The following KIF21A variants were observed in gnomAD, a reference collection of about 807,000 sequenced individuals.
KIF21A encodes kinesin-like protein KIF21A.
A neutral mutation model predicts 202.9 loss-of-function variants in KIF21A; 114 were observed. That is an observed-to-expected ratio of 0.56 (90% CI 0.48 to 0.66). The LOEUF (loss-of-function observed/expected upper bound fraction) is 0.66. Among genes scored for constraint, KIF21A ranks in the 30% least tolerant of loss-of-function variants. The pLI is 0.00. For synonymous variants in KIF21A, 667 were observed against 670.8 expected (o/e 0.99, Z 0.09); for missense variants, 1,677 against 1,994.9 (o/e 0.84, Z 3.04).
intron 1 of KIF21A, among the ~76,000 whole-genome samples, chr12:39,406,855 T>C (rs1483888397): frequency 2.6e-5 from 4 of 152,182 alleles, no homozygotes; most frequent in Non-Finnish European, 5.9e-5. Context: ...CTCTCCAAAA[T>C]AACTAATTCA....
At chr12:39,341,709 T>C in intron 13 of KIF21A, 87 bp from the exon 14 acceptor site, 2 of 1,378,844 alleles carry the variant, frequency 1.5e-6, no homozygotes, top group Non-Finnish European at 9.9e-7. Flanking sequence ...GAGTACAAAG[T>C]ACGGAAACAT....
In KIF21A at chr12:39,307,667, A is replaced by G. The variant is rs1565665239; in HGVS notation, c.4340T>C (p.Ile1447Thr). 1 of 1,614,062 alleles carries G rather than the reference A, an allele frequency of 6.2e-7. No individual in the cohort carries two copies. Among genetic ancestry groups the G allele is most frequent in the Non-Finnish European group, 8.5e-7 (1 of 1,179,920 alleles). Residue 1447 changes from isoleucine to threonine, a missense_variant, in exon 34 of 38, where the codon ATT becomes ACT. Physicochemically the swap from Ile to Thr is moderately conservative, Grantham distance 89 (BLOSUM62 -1). Coordinates refer to ENST00000361418, the MANE Select transcript of KIF21A (RefSeq NM_001173464.2). ...CSASTSRTVAIPSGENQINQI... is the reference protein window; with the variant it reads ...CSASTSRTVATPSGENQINQI... ...ATTGATCTGGTTCTCTCCAGAAGGA[A>G]TAGCTACTGTTCGACTGGTACTTGC...
chr12:39,355,573 G>T (rs1332651679), intron 10 of KIF21A, among the ~76,000 whole-genome samples: 2 of 151,682 alleles, frequency 1.3e-5, no homozygotes, highest in African/African-American at 4.8e-5. Flanking sequence ...ACTGGTCAAA[G>T]AACAAATTTT....
At chr12:39,436,437 TATATATATATA>T (rs1938728079) in intron 1 of KIF21A, among the ~76,000 whole-genome samples, 1 of 120,082 alleles carries the variant, frequency 8.3e-6, no homozygotes, top group African/African-American at 3.8e-5. Context: ...TATATATATA[TATATATATATA>T]TTTTTTTTTT....
chr12:39,379,160 T>C (rs1376619631), intron 1 of KIF21A, among the ~76,000 whole-genome samples: 1 of 151,886 alleles, frequency 6.6e-6, no homozygotes, highest in Non-Finnish European at 1.5e-5. Context: ...TGAAACCCCA[T>C]CTCTACTAAA....
intron 1 of KIF21A, among the ~76,000 whole-genome samples, chr12:39,423,439 G>A (rs1954472887): frequency 1.3e-5 from 2 of 151,688 alleles, no homozygotes; most frequent in South Asian, 4.2e-4. Context: ...TCTTCTCCTC[G>A]CCACTGATAG....
chr12:39,406,394 G>T (rs891186714), intron 1 of KIF21A, among the ~76,000 whole-genome samples: 3 of 152,052 alleles, frequency 2.0e-5, no homozygotes, highest in African/African-American at 7.2e-5. Context: ...AAATTCAAAG[G>T]CTCCAAATAA....
intron 1 of KIF21A, among the ~76,000 whole-genome samples, chr12:39,400,482 C>T (rs953848502): frequency 2.6e-5 from 4 of 152,214 alleles, no homozygotes; most frequent in Admixed American, 6.5e-5. Flanking sequence ...TGTTCCCCTC[C>T]ATGTATCCAT....
chr12:39,374,141 C>A (rs1950126623), intron 1 of KIF21A, among the ~76,000 whole-genome samples: 1 of 152,152 alleles, frequency 6.6e-6, no homozygotes, highest in Non-Finnish European at 1.5e-5. Flanking sequence ...ATAATTCTCA[C>A]AGGAACACCC....
intron 31 of KIF21A, 189 bp from the exon 32 acceptor site, chr12:39,311,742 C>T: frequency 1.6e-6 from 1 of 609,648 alleles, no homozygotes; most frequent in Non-Finnish European, 2.9e-6. Context: ...AGTATATCAA[C>T]TAATCAGGCA....
chr12:39,357,486 C>A (rs1948865541), intron 8 of KIF21A, 49 bp from the exon 9 acceptor site: 1 of 1,501,722 alleles, frequency 6.7e-7, no homozygotes, highest in East Asian at 2.3e-5. Flanking sequence ...CTTAAAAACA[C>A]AAGAGTTTTG....
At position 39,336,388 on chromosome 12, in the gene KIF21A, T is replaced by C. The variant is rs77676472; in HGVS notation, c.2418+708A>G. ...GATGTATCCTTTGAATTTTCCTTCATTGAAATCAAGCATACATTTATTTGT... is the reference window on the plus strand; with the variant it reads ...GATGTATCCTTTGAATTTTCCTTCACTGAAATCAAGCATACATTTATTTGT... On this transcript the variant is annotated intron_variant, in intron 17 of 37. Coordinates refer to ENST00000361418, the MANE Select transcript of KIF21A (RefSeq NM_001173464.2). 7.3e-3 allele frequency among the ~76,000 whole-genome samples: 1,119 copies of C among 152,330 alleles called. 9 individuals are homozygous for C. The highest frequency in any genetic ancestry group is 0.025 in the African/African-American group (1,059 of 41,586).
At chr12:39,341,939 G>T in intron 13 of KIF21A, 95 bp downstream of exon 13, 1 of 839,326 alleles carries the variant, frequency 1.2e-6, no homozygotes. Flanking sequence ...ATCATAAGCA[G>T]TTCACTTTTC....
intron 1 of KIF21A, among the ~76,000 whole-genome samples, chr12:39,371,028 A>G (rs970952924): frequency 2.0e-5 from 3 of 152,168 alleles, no homozygotes; most frequent in Admixed American, 6.6e-5. Flanking sequence ...ACTTTAAATC[A>G]TCTCCAGATC....
intron 17 of KIF21A, among the ~76,000 whole-genome samples, chr12:39,335,892 T>C (rs1197592228): frequency 6.6e-6 from 1 of 152,120 alleles, no homozygotes; most frequent in African/African-American, 2.4e-5. Context: ...CTGGACAAAA[T>C]ATCCGCTATC....
intron 35 of KIF21A, 83 bp from the exon 36 acceptor site, chr12:39,303,218 C>T: frequency 2.5e-5 from 28 of 1,109,298 alleles, no homozygotes; most frequent in Non-Finnish European, 3.6e-5. Flanking sequence ...AACACATACA[C>T]ATGTATGTTA....
intron 1 of KIF21A, among the ~76,000 whole-genome samples, chr12:39,381,959 T>C (rs940306987): frequency 2.0e-5 from 3 of 152,216 alleles, no homozygotes; most frequent in African/African-American, 4.8e-5. Flanking sequence ...GAAGACTATG[T>C]TTAAGAGCTG....
chr12:39,364,571 C>T (rs1407787663), intron 6 of KIF21A, among the ~76,000 whole-genome samples: 1 of 152,120 alleles, frequency 6.6e-6, no homozygotes, highest in Non-Finnish European at 1.5e-5. Context: ...TTGGTAATTT[C>T]CCCATAGACG....
At chr12:39,331,919 T>G in intron 21 of KIF21A, 128 bp from the exon 22 acceptor site, 2 of 774,418 alleles carry the variant, frequency 2.6e-6, no homozygotes, top group Non-Finnish European at 4.5e-6. Flanking sequence ...AAGTGCAATA[T>G]ATGATCATTA....
Sources: gnomAD v4.1 joint callset for allele counts (sites outside exome capture counted in the v4.1 genomes callset) on GRCh38, gnomAD v4.1.1 for gene constraint, MANE v1.5 for transcripts, NCBI Gene and HGNC (gene_info 2026-07-23, HGNC 2026-07-21) for gene names.